The following ZNF678 variants were observed in gnomAD, a reference collection of about 807,000 sequenced individuals.
ZNF678 encodes the protein hypothetical protein MGC42493.
In ZNF678, 5 loss-of-function variants were observed where a neutral mutation model predicts 3.0. That is an observed-to-expected ratio of 1.69 (90% CI 0.88 to 3.56). The LOEUF (loss-of-function observed/expected upper bound fraction) is 3.56, where lower values mean the gene tolerates loss of function less well. Ranked by LOEUF, ZNF678 falls within the 30% of genes most tolerant of loss-of-function variation. The pLI is 0.00. For synonymous variants in ZNF678, 218 were observed against 199.6 expected, an observed-to-expected ratio of 1.09 and a Z score of -0.78; for missense variants, 593 against 605.0, an observed-to-expected ratio of 0.98 and a Z score of 0.21.
At chr1:227,663,314 T>C (rs1659445305), downstream of ZNF678, among the ~76,000 whole-genome samples, 2 of 152,204 alleles carry the variant, frequency 1.3e-5, no homozygotes, top group South Asian at 2.1e-4. Context: ...GGAAATAAAA[T>C]GTCTTCATGC....
chr1:227,677,160 C>T (rs1208999466), intron 5 of ZNF678: 1 of 152,154 alleles, frequency 6.6e-6, no homozygotes, highest in Non-Finnish European at 1.5e-5. Context: ...GCCATATCCT[C>T]CACCCTGTCA....
chr1:227,663,014 A>T (rs1228872953), downstream of ZNF678, among the ~76,000 whole-genome samples: 1 of 152,294 alleles, frequency 6.6e-6, no homozygotes, highest in South Asian at 2.1e-4. Context: ...TATTGGAGTG[A>T]GCCCTAATCC....
chr1:227,653,937 A>T (rs542153514), intron 3 of ZNF678, among the ~76,000 whole-genome samples: 2 of 152,112 alleles, frequency 1.3e-5, no homozygotes, highest in Non-Finnish European at 2.9e-5. Flanking sequence ...AAGTATGGGC[A>T]CATGTGCAAT....
At chr1:227,587,766 A>G (rs1657298585) in intron 1 of ZNF678, among the ~76,000 whole-genome samples, 1 of 151,484 alleles carries the variant, frequency 6.6e-6, no homozygotes. Flanking sequence ...CTTATCTGGA[A>G]CATCTCTCTA....
At chr1:227,566,856 G>A (rs1180322687) in intron 1 of ZNF678, among the ~76,000 whole-genome samples, 7 of 150,094 alleles carry the variant, frequency 4.7e-5, no homozygotes, top group Admixed American at 4.0e-4. Context: ...TCTTAGTTCT[G>A]TTCTATTTTA....
chr1:227,594,053 A>G (rs1287777060), intron 1 of ZNF678, among the ~76,000 whole-genome samples: 1 of 152,076 alleles, frequency 6.6e-6, no homozygotes, highest in Non-Finnish European at 1.5e-5. Context: ...TTTTGAGGGA[A>G]AGGAAAGTGG....
chr1:227,586,384 A>G (rs555974902), intron 1 of ZNF678, among the ~76,000 whole-genome samples: 9 of 152,326 alleles, frequency 5.9e-5, no homozygotes, highest in Admixed American at 5.9e-4. Context: ...AAATGAACAA[A>G]AAGTAAAGCA....
intron 1 of ZNF678, among the ~76,000 whole-genome samples, chr1:227,570,039 T>C (rs942660603): frequency 1.3e-5 from 2 of 152,336 alleles, no homozygotes; most frequent in East Asian, 3.9e-4. Context: ...GGGTTTTACC[T>C]TTAGTGGGCT....
chr1:227,666,741 C>CTTTT (rs1182440018), downstream of ZNF678, among the ~76,000 whole-genome samples: 13 of 115,136 alleles, frequency 1.1e-4, no homozygotes, highest in African/African-American at 2.8e-4. Flanking sequence ...TTCTTTCTTG[C>CTTTT]TTTTTTTTTT....
intron 1 of ZNF678, among the ~76,000 whole-genome samples, chr1:227,633,803 C>G (rs1240859859): frequency 6.6e-6 from 1 of 152,200 alleles, no homozygotes; most frequent in African/African-American, 2.4e-5. Context: ...GCCACAAAGA[C>G]TGCAACTCCT....
intron 1 of ZNF678, among the ~76,000 whole-genome samples, chr1:227,566,432 C>A (rs574189117): frequency 6.6e-6 from 1 of 152,312 alleles, no homozygotes; most frequent in African/African-American, 2.4e-5. Flanking sequence ...ATAACTACTC[C>A]AGTGAGCTGG....
Position 227,601,587 on chromosome 1 carries a change from C to T in ZNF678, c.-164+37863C>T, listed in dbSNP as rs12118294. Among the ~76,000 whole-genome samples, 1,185 of 150,752 alleles carry T rather than the reference C, an allele frequency of 7.9e-3. 6 individuals carry two copies. Among genetic ancestry groups the T allele is most frequent in the Non-Finnish European group, 0.013 (876 of 67,862 alleles). ...TATTTTTATTTTATTTTTTTTGAGA[C>T]GGAGTCTCACTCTGCTGGCCAGGCT... On this transcript the variant is annotated intron_variant, in intron 1 of 3. Coordinates refer to ENST00000343776, the MANE Select transcript of ZNF678 (RefSeq NM_001367909.1).
rs1659144237 is a variant in ZNF678 at position 227,653,715 on chromosome 1, A to C, written c.86-621A>C. Among the ~76,000 whole-genome samples, 3 of 152,198 alleles carry C rather than the reference A, an allele frequency of 2.0e-5. No homozygotes were observed. The South Asian group carries it at 6.2e-4, about 32-fold the overall frequency. On this transcript the variant is annotated intron_variant, in intron 3 of 3. Transcript: ENST00000343776. ...GGAATTGTGTGTTTACTGTTCAGCTAAAGAGATTTGTTCATGTTTCTTTGT... is the reference window on the plus strand; with the variant it reads ...GGAATTGTGTGTTTACTGTTCAGCTCAAGAGATTTGTTCATGTTTCTTTGT...
chr1:227,645,130 C>G (rs1185320635), intron 1 of ZNF678, among the ~76,000 whole-genome samples: 1 of 152,182 alleles, frequency 6.6e-6, no homozygotes, highest in Non-Finnish European at 1.5e-5. Context: ...TGTTCCTGTC[C>G]TGTATGATGA....
chr1:227,601,389 G>T (rs941505514), intron 1 of ZNF678, among the ~76,000 whole-genome samples: 1 of 151,518 alleles, frequency 6.6e-6, no homozygotes, highest in South Asian at 2.1e-4. Flanking sequence ...AAATTTGTTT[G>T]TGTCATCTCT....
chr1:227,602,936 T>G (rs1341120342), intron 1 of ZNF678, among the ~76,000 whole-genome samples: 1 of 152,164 alleles, frequency 6.6e-6, no homozygotes, highest in Non-Finnish European at 1.5e-5. Context: ...TTCAAGGCTA[T>G]AATGTGTGAT....
At chr1:227,678,286 G>C (rs1239357057), downstream of ZNF678, among the ~76,000 whole-genome samples, 4 of 152,128 alleles carry the variant, frequency 2.6e-5, no homozygotes, top group Admixed American at 6.5e-5. Context: ...CCCTAGGATG[G>C]AATACCCCTC....
chr1:227,634,947 A>G (rs965236356), intron 1 of ZNF678, among the ~76,000 whole-genome samples: 2 of 152,080 alleles, frequency 1.3e-5, no homozygotes, highest in Admixed American at 6.5e-5. Flanking sequence ...TGTCTGATCC[A>G]CTGCAATTCT....
chr1:227,643,796 A>G (rs980960843), intron 1 of ZNF678, among the ~76,000 whole-genome samples: 2 of 150,222 alleles, frequency 1.3e-5, no homozygotes, highest in Non-Finnish European at 3.0e-5. Context: ...TATATGCCAC[A>G]CTTATTTCTG....
Sources: allele counts gnomAD v4.1 joint callset (sites outside exome capture counted in the v4.1 genomes callset), GRCh38; gene constraint gnomAD v4.1.1; transcripts MANE v1.5; gene names NCBI Gene and HGNC (gene_info 2026-07-23, HGNC 2026-07-21).